Variants in USP25 observed in about 807,000 individuals in gnomAD.
USP25 encodes the protein ubiquitin carboxyl-terminal hydrolase 25.
Under a neutral mutation model 158.5 loss-of-function variants are expected in USP25, and 85 were observed. That is an observed-to-expected ratio of 0.54 (90% confidence interval 0.45 to 0.64). USP25 has a LOEUF of 0.64. USP25 is among the 30% of genes least tolerant of loss of function. The pLI, the probability that USP25 is intolerant of heterozygous loss-of-function variation, is 0.00. For synonymous variants in USP25, 464 were observed against 460.4 expected (o/e 1.01, Z -0.10); for missense variants, 1,242 against 1,327.3 (o/e 0.94, Z 1.00).
chr21:15,743,045 A>G (rs993814246), intron 1 of USP25, among the ~76,000 whole-genome samples: 2 of 152,242 alleles, frequency 1.3e-5, no homozygotes, highest in Non-Finnish European at 2.9e-5. Context: ...GGTCTGAGCC[A>G]CCAGGGAATG....
chr21:15,730,278 C>A lies in USP25; in HGVS notation c.-116C>A. On this transcript the variant is annotated 5_prime_UTR_variant, in exon 1 of 26. Transcript: ENST00000400183. ...CGCGCCTGGCTGGCGGGGGCGCTGTCCTCCCAGGCCGTCCGCGCCGCTCCC... is the reference window on the plus strand; with the variant it reads ...CGCGCCTGGCTGGCGGGGGCGCTGTACTCCCAGGCCGTCCGCGCCGCTCCC... The A allele has an allele frequency of 1.0e-6, 1 of 976,462 alleles. No homozygotes were observed. The highest frequency in any genetic ancestry group is 4.6e-5 in the South Asian group (1 of 21,710). The allele number at this position is 976,462 out of a possible 1,614,324, so 60.5% of individuals were successfully genotyped here. A position where few individuals can be genotyped will look rare whatever the true frequency, so the allele number is the denominator to read the frequency against.
rs377530181 is a variant in USP25, at chr21:15,833,338, T to C, written c.1994-10T>C. On this transcript the variant is annotated splice_polypyrimidine_tract_variant and intron_variant, in intron 16 of 25. Transcript: ENST00000400183. The stretch of plus-strand genomic sequence containing the variant: ...TAATTTTATACTAGTTTTTGAAATA[T>C]GATTTGCAGAGGAGTTTAATAAAGA... 8.7e-6 allele frequency: 14 copies of C among 1,601,480 alleles called. No homozygotes were observed. Among genetic ancestry groups the C allele is most frequent in the African/African-American group, 5.4e-5 (4 of 74,176 alleles).
intron 20 of USP25, among the ~76,000 whole-genome samples, chr21:15,859,600 A>C (rs531942846): frequency 6.6e-6 from 1 of 152,056 alleles, no homozygotes; most frequent in African/African-American, 2.4e-5. Flanking sequence ...CGTGGGCTTG[A>C]TATCTTTCGT....
chr21:15,755,320 A>G (rs2123346804), intron 1 of USP25, among the ~76,000 whole-genome samples: 1 of 152,248 alleles, frequency 6.6e-6, no homozygotes. Flanking sequence ...GGAGCCAAGG[A>G]CTGACTTAAT....
chr21:15,730,344 G>A lies in USP25; in HGVS notation c.-50G>A, dbSNP rs569836016. 4.4e-6 allele frequency: 5 copies of A among 1,129,396 alleles called. No individual in the cohort carries two copies. Among genetic ancestry groups the A allele is most frequent in the Non-Finnish European group, 5.4e-6 (5 of 923,868 alleles). 70.0% of individuals were successfully genotyped at this position (1,129,396 alleles called of 1,614,324 possible). On this transcript the variant is annotated 5_prime_UTR_variant, in exon 1 of 26. Transcript: ENST00000400183. ...CGCGGCAGCCAGGGCCGGCGGAGGCGCGAGGAGCCGGGCGCCACCGCCGCC... is the reference window on the plus strand; with the variant it reads ...CGCGGCAGCCAGGGCCGGCGGAGGCACGAGGAGCCGGGCGCCACCGCCGCC...
intron 5 of USP25, chr21:15,799,497 A>G (rs544966436): frequency 8.1e-6 from 2 of 246,410 alleles, no homozygotes; most frequent in South Asian, 2.5e-4. Context: ...AAGTGCATAT[A>G]AAAAGAGCTA....
chr21:15,760,586 C>T (rs949212006), intron 1 of USP25, among the ~76,000 whole-genome samples: 8 of 152,156 alleles, frequency 5.3e-5, no homozygotes, highest in Non-Finnish European at 1.2e-4. Flanking sequence ...TTGTTTAGGA[C>T]TTTTTAGACT....
In USP25 at chr21:15,762,756, C is replaced by G. The variant is rs1016436159; in HGVS notation, c.46-135C>G. ...GAAGTTGTTTGGCCTTTCTCAAGTT[C>G]TTTTTCCTTTTTTACTCTAGTTTAC... On this transcript the variant is annotated intron_variant, in intron 1 of 25. Transcript: ENST00000400183. The G allele has an allele frequency of 7.1e-6, 5 of 705,238 alleles. No homozygotes were observed. In the South Asian group the frequency reaches 1.1e-4, roughly 16 times the overall value. The allele number at this position is 705,238 out of a possible 1,614,324, so 43.7% of individuals were successfully genotyped here. A position where few individuals can be genotyped will look rare whatever the true frequency, so the allele number is the denominator to read the frequency against.
intron 23 of USP25, among the ~76,000 whole-genome samples, chr21:15,870,457 T>G (rs2039839467): frequency 6.6e-6 from 1 of 152,184 alleles, no homozygotes; most frequent in Admixed American, 6.5e-5. Flanking sequence ...GTGTTTGCAG[T>G]CTGTCTTTGT....
intron 14 of USP25, among the ~76,000 whole-genome samples, chr21:15,827,552 A>G (rs943708554): frequency 6.6e-6 from 1 of 152,320 alleles, no homozygotes; most frequent in Middle Eastern, 3.4e-3. Flanking sequence ...TTAGGTACTA[A>G]ATCTAAGTTT....
intron 4 of USP25, among the ~76,000 whole-genome samples, chr21:15,790,046 A>AGTTGT (rs1378653932): frequency 6.6e-6 from 1 of 152,090 alleles, no homozygotes; most frequent in African/African-American, 2.4e-5. Flanking sequence ...AGGAGAGTCA[A>AGTTGT]GTTGACTGTC....
chr21:15,796,358 A>G (rs2035861365), intron 5 of USP25, among the ~76,000 whole-genome samples: 2 of 151,482 alleles, frequency 1.3e-5, no homozygotes, highest in Non-Finnish European at 3.0e-5. Context: ...GGATTCCAAA[A>G]CAGAAATAAA....
At chr21:15,847,868 C>G in intron 19 of USP25, 92 bp downstream of exon 19, 1 of 705,810 alleles carries the variant, frequency 1.4e-6, no homozygotes, top group South Asian at 2.3e-5. Context: ...TACTTAATGT[C>G]TATTGCCACA....
chr21:15,853,378 G>A (rs1056962137), intron 20 of USP25, among the ~76,000 whole-genome samples: 5 of 151,992 alleles, frequency 3.3e-5, no homozygotes, highest in Admixed American at 2.0e-4. Context: ...CACCCACACA[G>A]TATTCCATGC....
In USP25 at chr21:15,766,392, G is replaced by A. The variant is rs1217485377; in HGVS notation, c.268+251G>A. On this transcript the variant is annotated intron_variant, in intron 3 of 25. Transcript: ENST00000400183. The surrounding 1 kb of genome is among the most constrained non-coding windows in gnomAD (Gnocchi z 4.0). ...ATTTATTGTTTTGAAATATGGAATAGCTGCAGATATATTCATAAAAGGAAG... is the reference window on the plus strand; with the variant it reads ...ATTTATTGTTTTGAAATATGGAATAACTGCAGATATATTCATAAAAGGAAG... Among the ~76,000 whole-genome samples, 1 of 152,016 alleles carries A rather than the reference G, an allele frequency of 6.6e-6. No individual in the cohort carries two copies. The highest frequency in any genetic ancestry group is 1.5e-5 in the Non-Finnish European group (1 of 67,966).
chr21:15,797,086 G>T (rs1219365453), intron 5 of USP25, among the ~76,000 whole-genome samples: 1 of 151,380 alleles, frequency 6.6e-6, no homozygotes, highest in Non-Finnish European at 1.5e-5. Context: ...TTAATCTGGA[G>T]AATATTTTTC....
chr21:15,734,002 C>G (rs1057422550), intron 1 of USP25, among the ~76,000 whole-genome samples: 6 of 152,148 alleles, frequency 3.9e-5, no homozygotes, highest in Non-Finnish European at 7.4e-5. Context: ...AAGGTTCTTT[C>G]AAAGCAGTAA....
intron 24 of USP25, chr21:15,876,280 C>G (rs2040094755): frequency 6.6e-6 from 1 of 152,168 alleles, no homozygotes; most frequent in Admixed American, 6.5e-5. Flanking sequence ...AGATTTATCT[C>G]ATTTTATTCT....
rs915432853 is a variant in USP25, at chr21:15,807,543, A to G, written c.781-1266A>G. 2.0e-5 allele frequency among the ~76,000 whole-genome samples: 3 copies of G among 152,304 alleles called. No homozygotes were observed. The East Asian group carries it at 5.8e-4, about 29-fold the overall frequency. On this transcript the variant is annotated intron_variant, in intron 7 of 25. Transcript: ENST00000400183. ...CCAGAGTAAAGGTGTTGGCAGGGCC[A>G]CACTTCCTCCATTGGCTCTGAGGGA...
Sources: gnomAD v4.1 joint callset for allele counts (sites outside exome capture counted in the v4.1 genomes callset) on GRCh38, gnomAD v4.1.1 for gene constraint, Gnocchi (gnomAD v3.1) non-coding constraint, MANE v1.5 for transcripts, NCBI Gene and HGNC (gene_info 2026-07-23, HGNC 2026-07-21) for gene names.